The following SDHC variants were observed in gnomAD, a reference collection of about 807,000 sequenced individuals.
SDHC encodes the protein succinate dehydrogenase cytochrome b560 subunit, mitochondrial.
In SDHC, 11 loss-of-function variants were observed where a neutral mutation model predicts 22.6. The ratio of observed to expected loss-of-function variants is 0.49; its 90% confidence interval spans 0.31 to 0.81. The LOEUF is 0.81. SDHC is among the 30% of genes least tolerant of loss of function. The pLI, the probability that SDHC is intolerant of heterozygous loss-of-function variation, is 0.05. For synonymous variants in SDHC, 80 were observed against 77.8 expected (o/e 1.03, Z -0.15); for missense variants, 160 against 212.0 (o/e 0.75, Z 1.52).
At chr1:161,354,464 A>C (rs1672195537) in intron 4 of SDHC, among the ~76,000 whole-genome samples, 1 of 152,124 alleles carries the variant, frequency 6.6e-6, no homozygotes. Context: ...TTGGTACCCC[A>C]GGGCAGCTTG....
At chr1:161,342,789 C>A (rs1261002424) in intron 4 of SDHC, among the ~76,000 whole-genome samples, 1 of 152,176 alleles carries the variant, frequency 6.6e-6, no homozygotes, top group East Asian at 1.9e-4. Context: ...GCCACTGTGC[C>A]TGGCCCCTTG....
intron 3 of SDHC, among the ~76,000 whole-genome samples, chr1:161,337,882 A>G (rs186173608): frequency 6.6e-6 from 1 of 152,276 alleles, no homozygotes; most frequent in East Asian, 1.9e-4. Context: ...AGTCTTTCAG[A>G]TCAATATTTG....
chr1:161,317,357 A>C (rs1289908890), intron 1 of SDHC, among the ~76,000 whole-genome samples: 1 of 151,926 alleles, frequency 6.6e-6, no homozygotes, highest in African/African-American at 2.4e-5. Context: ...AAACTTAAAA[A>C]ATTTTTTTAT....
In SDHC at chr1:161,356,863, C is replaced by T. The variant is rs373731336; in HGVS notation, c.405+23C>T. On this transcript the variant is annotated intron_variant, in intron 5 of 5. Transcript: ENST00000367975. ...TTGGTAAGTTAATTCGGGATTTGCA[C>T]ATTTTCTCTGTGAAGGGAGTGGGGA... 239 of 1,610,248 alleles carry T rather than the reference C, an allele frequency of 1.5e-4. No individual in the cohort carries two copies. The highest frequency in any genetic ancestry group is 5.0e-4 in the Middle Eastern group (3 of 6,052).
At chr1:161,328,032 A>G (rs1194071661) in intron 2 of SDHC, among the ~76,000 whole-genome samples, 2 of 144,728 alleles carry the variant, frequency 1.4e-5, no homozygotes, top group East Asian at 4.1e-4. Context: ...TTTGAGAGAG[A>G]ATTTCTTGTT....
At position 161,323,641 on chromosome 1, in the gene SDHC, C is replaced by G. The variant is rs1553261765; in HGVS notation, c.48C>G (p.Ala16=). 8 of 1,613,570 alleles carry G rather than the reference C, an allele frequency of 5.0e-6. No homozygotes were observed. Among genetic ancestry groups the G allele is most frequent in the Non-Finnish European group, 6.8e-6 (8 of 1,179,608 alleles). Residue 16 remains alanine, a synonymous_variant, in exon 2 of 6, where the codon GCC becomes GCG. Transcript: ENST00000367975. Reference sequence around the variant, plus strand: ...ACGTTGGTCGTCATTGCCTCCGAGCCCACTTTAGCCCTCAGCTCTGTATCA... The same window carrying G: ...ACGTTGGTCGTCATTGCCTCCGAGCGCACTTTAGCCCTCAGCTCTGTATCA... ...LRHVGRHCLR[A]HFSPQLCIRN...
At chr1:161,336,454 A>G (rs568047488) in intron 3 of SDHC, among the ~76,000 whole-genome samples, 2 of 113,918 alleles carry the variant, frequency 1.8e-5, no homozygotes, top group South Asian at 6.5e-4. Flanking sequence ...GCTCCGTTTC[A>G]AAAAAAAAAA....
At chr1:161,336,187 G>A (rs1356520576) in intron 3 of SDHC, among the ~76,000 whole-genome samples, 1 of 152,082 alleles carries the variant, frequency 6.6e-6, no homozygotes, top group African/African-American at 2.4e-5. Context: ...GGCCCGGTGC[G>A]GTGGCTCATG....
intron 1 of SDHC, among the ~76,000 whole-genome samples, chr1:161,323,157 C>T (rs1183468109): frequency 6.6e-6 from 1 of 152,076 alleles, no homozygotes; most frequent in African/African-American, 2.4e-5. Flanking sequence ...CGCCACCACG[C>T]CTGGCTAATT....
At chr1:161,347,252 T>A (rs1671933046) in intron 4 of SDHC, among the ~76,000 whole-genome samples, 2 of 152,090 alleles carry the variant, frequency 1.3e-5, no homozygotes, top group Non-Finnish European at 2.9e-5. Flanking sequence ...CGAGGTCTGT[T>A]TCTTTTTTTC....
chr1:161,347,329 A>G (rs1394063922), intron 4 of SDHC, among the ~76,000 whole-genome samples: 2 of 151,900 alleles, frequency 1.3e-5, no homozygotes, highest in Non-Finnish European at 2.9e-5. Context: ...ATCTCGGCTC[A>G]CTGCAACCTC....
At chr1:161,330,831 C>A (rs1393704597) in intron 3 of SDHC, among the ~76,000 whole-genome samples, 1 of 151,960 alleles carries the variant, frequency 6.6e-6, no homozygotes, top group Non-Finnish European at 1.5e-5. Context: ...GAAACCCTGT[C>A]TCTACGAAGA....
intron 1 of SDHC, among the ~76,000 whole-genome samples, chr1:161,320,310 G>C (rs1040617857): frequency 6.6e-6 from 1 of 151,926 alleles, no homozygotes; most frequent in African/African-American, 2.4e-5. Flanking sequence ...CAGAACTTTT[G>C]TATACAAATT....
chr1:161,342,730 G>A (rs778919298), intron 4 of SDHC, among the ~76,000 whole-genome samples: 1 of 151,972 alleles, frequency 6.6e-6, no homozygotes, highest in Non-Finnish European at 1.5e-5. Context: ...CCTGACCTCA[G>A]GTAATCTGCC....
intron 3 of SDHC, among the ~76,000 whole-genome samples, chr1:161,337,061 GTT>G (rs1255364549): frequency 7.5e-5 from 10 of 133,844 alleles, no homozygotes; most frequent in Middle Eastern, 3.4e-3. Context: ...GTAGAAATGG[GTT>G]TTTTTTTTTT....
chr1:161,321,600 A>G (rs1670839597), intron 1 of SDHC, among the ~76,000 whole-genome samples: 1 of 152,188 alleles, frequency 6.6e-6, no homozygotes, highest in Non-Finnish European at 1.5e-5. Flanking sequence ...TCTTTCTGGG[A>G]GCCTTGGGTA....
In SDHC at chr1:161,318,365, C is replaced by G. The variant is rs563489450; in HGVS notation, c.20+3940C>G. Among the ~76,000 whole-genome samples, 6 of 152,136 alleles carry G rather than the reference C, an allele frequency of 3.9e-5. No homozygotes were observed. The South Asian group carries it at 1.2e-3, about 32-fold the overall frequency. On this transcript the variant is annotated intron_variant, in intron 1 of 5. Transcript: ENST00000367975. ...TTGTCATGGCTTTTGAATATATGCT[C>G]TCTATTTTGTATGTTCTCTAAACAG... is the stretch of plus-strand genomic sequence containing the variant.
chr1:161,330,660 C>CT (rs1671238708), intron 3 of SDHC, among the ~76,000 whole-genome samples: 1 of 152,100 alleles, frequency 6.6e-6, no homozygotes, highest in South Asian at 2.1e-4. Flanking sequence ...CTCTCTGTCA[C>CT]TTTTAGTCTA....
At chr1:161,341,319 A>G (rs1357439051) in intron 4 of SDHC, among the ~76,000 whole-genome samples, 2 of 152,228 alleles carry the variant, frequency 1.3e-5, no homozygotes, top group South Asian at 2.1e-4. Context: ...CTTATCACCT[A>G]GACATGCTCA....
Sources: gnomAD v4.1 joint callset for allele counts (sites outside exome capture counted in the v4.1 genomes callset) on GRCh38, gnomAD v4.1.1 for gene constraint, MANE v1.5 for transcripts, NCBI Gene and HGNC (gene_info 2026-07-23, HGNC 2026-07-21) for gene names.